The following AKAP19 variants were observed in gnomAD, a reference collection of about 807,000 sequenced individuals.
The protein encoded by AKAP19 is small A-kinase anchoring protein.
chr2:190,132,726 G>T, the AKAP19 span, among the ~76,000 whole-genome samples: 1 of 152,050 alleles, frequency 6.6e-6, no homozygotes, highest in Non-Finnish European at 1.5e-5. Flanking sequence ...TACTTTGGGG[G>T]ATGTTTTTTT....
At chr2:190,140,483 C>G in the AKAP19 span, among the ~76,000 whole-genome samples, 1 of 152,214 alleles carries the variant, frequency 6.6e-6, no homozygotes, top group African/African-American at 2.4e-5. Flanking sequence ...GAAATCTAGG[C>G]AGAGGTTCCC....
chr2:190,091,235 C>T, the AKAP19 span, among the ~76,000 whole-genome samples: 11 of 152,170 alleles, frequency 7.2e-5, no homozygotes, highest in Non-Finnish European at 1.5e-5. Flanking sequence ...AACTTGTCAG[C>T]ACGTCAGTGG....
chr2:190,037,012 G>A, the AKAP19 span, among the ~76,000 whole-genome samples: 1 of 152,130 alleles, frequency 6.6e-6, no homozygotes, highest in Non-Finnish European at 1.5e-5. Context: ...ATAAACCAAG[G>A]AATTCAGAGG....
chr2:190,156,434 G>A, the AKAP19 span, among the ~76,000 whole-genome samples: 2 of 152,076 alleles, frequency 1.3e-5, no homozygotes, highest in African/African-American at 4.8e-5. Context: ...CTGTGTGACA[G>A]ACGATTAAAT....
the AKAP19 span, among the ~76,000 whole-genome samples, chr2:190,124,366 T>G: frequency 4.6e-5 from 7 of 152,242 alleles, no homozygotes; most frequent in Non-Finnish European, 7.3e-5. Flanking sequence ...AGCCTATAAC[T>G]TCTAGTCTAC....
At chr2:189,895,900 A>G in the AKAP19 span, among the ~76,000 whole-genome samples, 1 of 151,790 alleles carries the variant, frequency 6.6e-6, no homozygotes, top group Admixed American at 6.6e-5. Context: ...AGTCCCAGCT[A>G]CTCCAGGGGC....
chr2:190,170,702 A>T, the AKAP19 span, among the ~76,000 whole-genome samples: 2 of 152,092 alleles, frequency 1.3e-5, no homozygotes, highest in African/African-American at 4.8e-5. Flanking sequence ...GCTTTTTTTT[A>T]ATGAGACAGC....
chr2:189,953,903 A>G, the AKAP19 span, among the ~76,000 whole-genome samples: 7 of 152,150 alleles, frequency 4.6e-5, no homozygotes, highest in Admixed American at 2.6e-4. Context: ...ATTGTTTATG[A>G]TATTGATTGA....
At chr2:190,199,194 T>C in the AKAP19 span, among the ~76,000 whole-genome samples, 2 of 152,190 alleles carry the variant, frequency 1.3e-5, no homozygotes, top group Non-Finnish European at 2.9e-5. Context: ...CTTGACAGTA[T>C]AGATCAGGAC....
chr2:190,058,198 G>C, the AKAP19 span, among the ~76,000 whole-genome samples: 1 of 151,954 alleles, frequency 6.6e-6, no homozygotes, highest in African/African-American at 2.4e-5. Flanking sequence ...TTCTTTCACT[G>C]GAAAATGTTT....
chr2:190,073,950 C>G, the AKAP19 span, among the ~76,000 whole-genome samples: 3 of 151,330 alleles, frequency 2.0e-5, no homozygotes, highest in Non-Finnish European at 4.4e-5. Flanking sequence ...ACTCAGGAGG[C>G]TGAATCGCTT....
chr2:190,076,222 G>A, the AKAP19 span, among the ~76,000 whole-genome samples: 3 of 152,116 alleles, frequency 2.0e-5, no homozygotes, highest in African/African-American at 7.2e-5. Flanking sequence ...TTTTGGGCTG[G>A]ATTATTCTTT....
At chr2:190,135,163 G>A in the AKAP19 span, among the ~76,000 whole-genome samples, 1 of 152,102 alleles carries the variant, frequency 6.6e-6, no homozygotes, top group African/African-American at 2.4e-5. Context: ...TTGAAAATGA[G>A]GTAGATTTTT....
chr2:190,114,704 T>C, the AKAP19 span, among the ~76,000 whole-genome samples: 2 of 152,008 alleles, frequency 1.3e-5, no homozygotes, highest in Non-Finnish European at 2.9e-5. Flanking sequence ...GATCCACCCA[T>C]CTCGGCCTCC....
the AKAP19 span, among the ~76,000 whole-genome samples, chr2:190,121,376 G>A: frequency 1.3e-5 from 2 of 152,222 alleles, no homozygotes; most frequent in Admixed American, 6.5e-5. Context: ...GCCTCCCAAA[G>A]TGCTGGGATT....
At chr2:190,086,518 A>T in the AKAP19 span, among the ~76,000 whole-genome samples, 2 of 152,216 alleles carry the variant, frequency 1.3e-5, no homozygotes, top group Non-Finnish European at 2.9e-5. Flanking sequence ...CGATGGTTGC[A>T]GTCTACACAA....
chr2:189,914,548 A>G, the AKAP19 span, among the ~76,000 whole-genome samples: 2 of 152,244 alleles, frequency 1.3e-5, no homozygotes, highest in South Asian at 4.1e-4. Flanking sequence ...ACCAGAGTGT[A>G]TAATACTTTC....
the AKAP19 span, among the ~76,000 whole-genome samples, chr2:189,982,039 G>A: frequency 2.0e-5 from 3 of 152,010 alleles, no homozygotes; most frequent in Non-Finnish European, 4.4e-5. Context: ...TTAAATCTGG[G>A]TGTTGAACTG....
At chr2:190,134,396 G>A in the AKAP19 span, among the ~76,000 whole-genome samples, 2 of 151,948 alleles carry the variant, frequency 1.3e-5, no homozygotes, top group Admixed American at 1.3e-4. Flanking sequence ...GAACTGGTTG[G>A]TTTCAGTTTA....
Sources: allele counts gnomAD v4.1 joint callset (sites outside exome capture counted in the v4.1 genomes callset), GRCh38; gene constraint gnomAD v4.1.1; transcripts MANE v1.5; gene names NCBI Gene and HGNC (gene_info 2026-07-23, HGNC 2026-07-21).